VPS13C: variants seen among roughly 807,000 people sequenced by gnomAD.
VPS13C encodes intermembrane lipid transfer protein VPS13C.
In VPS13C, 358 loss-of-function variants were observed where a neutral mutation model predicts 456.8. That is an observed-to-expected ratio of 0.78 (90% confidence interval 0.72 to 0.86). VPS13C has a LOEUF of 0.86. Ranked by LOEUF, VPS13C falls within the 40% of genes least tolerant of loss-of-function variation. The probability of loss-of-function intolerance (pLI) is 0.00; values close to 1 mark genes in which losing one functional copy is unlikely to be tolerated. For synonymous variants in VPS13C, 1,578 were observed against 1,486.7 expected (o/e 1.06, Z -1.41); for missense variants, 4,818 against 4,385.4 (o/e 1.10, Z -2.79).
chr15:62,000,974 C>T (rs1195042243), intron 15 of VPS13C, among the ~76,000 whole-genome samples: 1 of 152,152 alleles, frequency 6.6e-6, no homozygotes, highest in Non-Finnish European at 1.5e-5. Flanking sequence ...TTCTAACTCC[C>T]CCCATTCTTA....
chr15:62,004,690 G>T (rs28874008), intron 15 of VPS13C, among the ~76,000 whole-genome samples: 30 of 151,422 alleles, frequency 2.0e-4, no homozygotes, highest in African/African-American at 4.4e-4. Flanking sequence ...ACACTGCTTT[G>T]AATGTGTCCC....
intron 32 of VPS13C, 106 bp from the exon 33 acceptor site, chr15:61,962,958 A>G: frequency 1.3e-6 from 1 of 745,022 alleles, no homozygotes; most frequent in Non-Finnish European, 2.0e-6. Context: ...AAATTTAGCA[A>G]TGTTTCAACT....
At chr15:61,883,013 G>C (rs982582641) in intron 68 of VPS13C, among the ~76,000 whole-genome samples, 1 of 151,756 alleles carries the variant, frequency 6.6e-6, no homozygotes, top group African/African-American at 2.4e-5. Flanking sequence ...GTAACGAATA[G>C]TTCCAGATAA....
At chr15:61,875,031 A>G (rs1895313770) in intron 76 of VPS13C, 80 bp from the exon 77 acceptor site, 1 of 1,250,094 alleles carries the variant, frequency 8.0e-7, no homozygotes, top group South Asian at 1.9e-5. Context: ...CAGGGTTTGC[A>G]AGAAGAATCC....
chr15:61,881,046 A>G, intron 71 of VPS13C, 92 bp from the exon 72 acceptor site: 2 of 1,019,968 alleles, frequency 2.0e-6, no homozygotes, highest in Non-Finnish European at 2.8e-6. Flanking sequence ...AGCCACAGTT[A>G]TATCTTGTTC....
At chr15:62,029,337 C>G (rs901835473) in intron 5 of VPS13C, among the ~76,000 whole-genome samples, 1 of 152,044 alleles carries the variant, frequency 6.6e-6, no homozygotes, top group Admixed American at 6.6e-5. Context: ...TCAGAGCATG[C>G]AAATCTCTTA....
intron 16 of VPS13C, 139 bp downstream of exon 16, chr15:62,000,425 A>C (rs2140457353): frequency 1.4e-6 from 1 of 727,310 alleles, no homozygotes; most frequent in South Asian, 2.1e-5. Context: ...GCTTTTTTTC[A>C]GTACTCCAGT....
chr15:61,942,544 C>CT (rs56793702), intron 45 of VPS13C, among the ~76,000 whole-genome samples: 3,860 of 129,110 alleles, frequency 0.03, 62 homozygotes, highest in East Asian at 0.086. Context: ...TCTGATAAGG[C>CT]TTTTTTTTTT....
chr15:61,866,616 A>G (rs1894612161), intron 81 of VPS13C: 1 of 985,148 alleles, frequency 1.0e-6, no homozygotes, highest in Non-Finnish European at 1.2e-6. Flanking sequence ...GCATGTGGTG[A>G]CATTTTTGCC....
intron 82 of VPS13C, among the ~76,000 whole-genome samples, chr15:61,859,887 A>G (rs944495950): frequency 1.3e-5 from 2 of 152,062 alleles, no homozygotes; most frequent in African/African-American, 4.8e-5. Context: ...AAAGATTACT[A>G]AAATAAACTA....
At chr15:61,907,918 C>G (rs1344280873) in intron 65 of VPS13C, among the ~76,000 whole-genome samples, 1 of 152,144 alleles carries the variant, frequency 6.6e-6, no homozygotes, top group Non-Finnish European at 1.5e-5. Context: ...CTGTGACCAG[C>G]TAAGCTTTTT....
chr15:61,966,148 A>G lies in VPS13C; in HGVS notation c.2992-6T>C, dbSNP rs746766965. 5.3e-5 allele frequency: 84 copies of G among 1,597,718 alleles called. No individual in the cohort carries two copies. Among genetic ancestry groups the G allele is most frequent in the Admixed American group, 1.7e-5 (1 of 58,576 alleles). ...CTAGGTCCATTCTTATCAGCCTGAAAAAAGAAGTAAAAGTTCTAAAGAAGG... is the reference window on the plus strand; with the variant it reads ...CTAGGTCCATTCTTATCAGCCTGAAGAAAGAAGTAAAAGTTCTAAAGAAGG... On this transcript the variant is annotated splice_region_variant and splice_polypyrimidine_tract_variant and intron_variant, in intron 29 of 84. Coordinates refer to ENST00000644861, the MANE Select transcript of VPS13C (RefSeq NM_020821.3).
At chr15:61,967,279 G>A in intron 29 of VPS13C, 89 bp downstream of exon 29, 2 of 1,081,478 alleles carry the variant, frequency 1.8e-6, no homozygotes, top group Non-Finnish European at 2.7e-6. Context: ...TACACATCCA[G>A]AGCCATTAGT....
At chr15:61,901,825 C>T (rs986481334) in intron 66 of VPS13C, among the ~76,000 whole-genome samples, 33 of 152,098 alleles carry the variant, frequency 2.2e-4, no homozygotes, top group Admixed American at 1.5e-3. Flanking sequence ...ATGTTTATTG[C>T]GGAATTATTC....
chr15:62,037,256 T>TA lies in VPS13C; in HGVS notation c.188-2205dup, dbSNP rs1420304951. ...TATATAAATATATATAATATATTTATATATATTATATTATATAATATATTA... is the reference window on the plus strand; with the variant it reads ...TATATAAATATATATAATATATTTATAATATATTATATTATATAATATATTA... On this transcript the variant is annotated intron_variant, in intron 3 of 84. Transcript: ENST00000644861. 8.3e-3 allele frequency among the ~76,000 whole-genome samples: 219 copies of TA among 26,424 alleles called. 12 individuals carry two copies. Among genetic ancestry groups the TA allele is most frequent in the Non-Finnish European group, 0.012 (178 of 14,884 alleles). 17.3% of individuals were successfully genotyped at this position (26,424 alleles called of 152,430 possible).
intron 2 of VPS13C, among the ~76,000 whole-genome samples, chr15:62,043,359 A>G (rs1010545281): frequency 6.6e-6 from 1 of 152,190 alleles, no homozygotes; most frequent in Non-Finnish European, 1.5e-5. Context: ...TAATCCCAAC[A>G]CTTTGGGAGG....
At chr15:62,015,203 T>C (rs895555892) in intron 9 of VPS13C, among the ~76,000 whole-genome samples, 1 of 152,176 alleles carries the variant, frequency 6.6e-6, no homozygotes, top group African/African-American at 2.4e-5. Flanking sequence ...GATTCTATCC[T>C]CTTTAAAGGT....
chr15:61,949,639 A>G, intron 41 of VPS13C, 34 bp from the exon 42 acceptor site: 3 of 1,573,302 alleles, frequency 1.9e-6, no homozygotes, highest in Non-Finnish European at 2.6e-6. Context: ...GGCAGATTTC[A>G]GATGCAGTAA....
At chr15:61,859,336 C>A (rs1894098054) in intron 82 of VPS13C, among the ~76,000 whole-genome samples, 1 of 152,158 alleles carries the variant, frequency 6.6e-6, no homozygotes, top group Non-Finnish European at 1.5e-5. Flanking sequence ...GCACTCCAGA[C>A]TGGGCAATGA....
Sources: gnomAD v4.1 joint callset for allele counts (sites outside exome capture counted in the v4.1 genomes callset) on GRCh38, gnomAD v4.1.1 for gene constraint, MANE v1.5 for transcripts, NCBI Gene and HGNC (gene_info 2026-07-23, HGNC 2026-07-21) for gene names.